Variants in ECSIT observed in about 807,000 individuals in gnomAD.
ECSIT encodes ECSIT signaling integrator, also known as evolutionarily conserved signaling intermediate in Toll pathway, mitochondrial.
Under a neutral mutation model 36.8 loss-of-function variants are expected in ECSIT, and 29 were observed. That is an observed-to-expected ratio of 0.79 (90% CI 0.59 to 1.08). The LOEUF is 1.08. Among genes scored for constraint, ECSIT ranks in the 50% least tolerant of loss-of-function variants. ECSIT has a pLI of 0.00. For missense variants in ECSIT, 542 were observed against 581.0 expected, an observed-to-expected ratio of 0.93 and a Z score of 0.69; for synonymous variants, 231 against 234.8, an observed-to-expected ratio of 0.98 and a Z score of 0.15.
In ECSIT at chr19:11,514,071, C is replaced by A; in HGVS notation, c.247G>T (p.Glu83Ter). The change falls in exon 3 of 8, where the codon GAA (glutamate) becomes TAA (stop). Residue 83 changes from glutamate (E) to a stop codon, truncating the protein, a stop_gained. Transcript: ENST00000270517. LOFTEE classifies it high-confidence loss of function. ...TGCAGGAAGCTCGCCTTGTCCCGTTCCCCACCAGGCGCCTGCCCAAACAGG... is the reference window on the plus strand; with the variant it reads ...TGCAGGAAGCTCGCCTTGTCCCGTTACCCACCAGGCGCCTGCCCAAACAGG... ...EDLFGQAPGG[E>*]RDKASFLQTV... is the part of the protein sequence containing the mutation. The A allele has an allele frequency of 1.2e-6, 2 of 1,614,164 alleles. No individual in the cohort carries two copies. Among genetic ancestry groups the A allele is most frequent in the Non-Finnish European group, 1.7e-6 (2 of 1,179,994 alleles).
intron 2 of ECSIT, among the ~76,000 whole-genome samples, chr19:11,515,394 G>A (rs113554396): frequency 0.015 from 2,240 of 151,988 alleles, 21 homozygotes; most frequent in African/African-American, 0.026. Context: ...GAGCCACCGC[G>A]CCCGGCGTAG....
chr19:11,522,021 C>A (rs1338167332), intron 1 of ECSIT: 1 of 269,308 alleles, frequency 3.7e-6, no homozygotes, highest in South Asian at 3.9e-5. Context: ...GCTGCCTGCT[C>A]ACTCCCAAAT....
chr19:11,520,258 G>A lies in ECSIT; in HGVS notation c.-23-1065C>T, dbSNP rs559730003. Among the ~76,000 whole-genome samples the A allele has an allele frequency of 2.6e-5, 4 of 152,002 alleles. 1 individual carries two copies. The highest frequency in any genetic ancestry group is 4.2e-4 in the South Asian group (2 of 4,818). ...GCCATCTCGGCTCACTGCAACCTTC[G>A]CCTCCCGGATTCAAGCGATTCCCAT... On this transcript the variant is annotated intron_variant, in intron 1 of 7. Coordinates refer to ENST00000270517, the MANE Select transcript of ECSIT (RefSeq NM_016581.5).
chr19:11,521,519 C>T (rs904160984), intron 1 of ECSIT, among the ~76,000 whole-genome samples: 1 of 151,420 alleles, frequency 6.6e-6, no homozygotes, highest in African/African-American at 2.4e-5. Flanking sequence ...GTAATCACAG[C>T]ACTTCGGGAG....
In ECSIT at chr19:11,527,378, C is replaced by T. The variant is rs117258168; in HGVS notation, c.-24+1684G>A. On this transcript the variant is annotated intron_variant, in intron 1 of 7. Transcript: ENST00000270517. ...GATTTCTGCCTAAAATCGCTAACGG[C>T]ATATCACACTTAAAATCAGAGACTG... Among the ~76,000 whole-genome samples the T allele has an allele frequency of 9.0e-4, 137 of 152,188 alleles. 1 individual carries two copies. The highest frequency in any genetic ancestry group is 6.0e-3 in the East Asian group (31 of 5,178).
intron 2 of ECSIT, 138 bp from the exon 3 acceptor site, chr19:11,514,359 G>A: frequency 1.2e-6 from 1 of 805,914 alleles, no homozygotes; most frequent in East Asian, 2.7e-5. Context: ...ACAAACCCAA[G>A]ATTCGAGGCC....
At chr19:11,521,394 C>G (rs1217388936) in intron 1 of ECSIT, among the ~76,000 whole-genome samples, 1 of 151,776 alleles carries the variant, frequency 6.6e-6, no homozygotes, top group African/African-American at 2.4e-5. Flanking sequence ...TTCCCATCGG[C>G]AACGTACAGT....
intron 1 of ECSIT, chr19:11,525,721 G>C (rs1428006062): frequency 7.1e-6 from 1 of 141,546 alleles, no homozygotes; most frequent in Non-Finnish European, 1.5e-5. Context: ...GACCAACATG[G>C]AGAAACCCTG....
Position 11,513,943 on chromosome 19 carries a change from G to T in ECSIT, c.375C>A (p.Asp125Glu). The change falls in exon 3 of 8, where the codon GAC (aspartate) becomes GAA (glutamate). Residue 125 changes from aspartate to glutamate, a missense_variant. By Grantham distance (45) the Asp-to-Glu change is conservative. Coordinates refer to ENST00000270517, the MANE Select transcript of ECSIT (RefSeq NM_016581.5). ...TGAGCAGCTGGTTGTACACAGCCAG[G>T]TCCCGCTCGACACCATACTCCCGCA... ...RKMREYGVERDLAVYNQLLNI... is the reference protein window; with the variant it reads ...RKMREYGVERELAVYNQLLNI... 1 of 1,614,198 alleles carries T rather than the reference G, an allele frequency of 6.2e-7. No homozygotes were observed. The highest frequency in any genetic ancestry group is 2.2e-5 in the East Asian group (1 of 44,880).
At position 11,506,502 on chromosome 19, in the gene ECSIT, G is replaced by A. The variant is rs975969202; in HGVS notation, c.1052-74C>T. On this transcript the variant is annotated intron_variant, in intron 7 of 7. Coordinates refer to ENST00000270517, the MANE Select transcript of ECSIT (RefSeq NM_016581.5). ...GGCTAACCCATGCCTACACCTTTTT[G>A]AGGTATTTTACACTCCCTTCCACTT... 5.7e-6 allele frequency: 7 copies of A among 1,221,166 alleles called. No individual in the cohort carries two copies. The Admixed American group carries it at 9.3e-5, about 16-fold the overall frequency. 75.6% of individuals were successfully genotyped at this position (1,221,166 alleles called of 1,614,324 possible).
At chr19:11,517,882 G>C (rs1321106473) in intron 2 of ECSIT, among the ~76,000 whole-genome samples, 3 of 152,038 alleles carry the variant, frequency 2.0e-5, no homozygotes, top group Admixed American at 2.0e-4. Context: ...TCAGTTTTCT[G>C]CCCCATCTTC....
chr19:11,522,747 A>C (rs991669577), intron 1 of ECSIT, among the ~76,000 whole-genome samples: 5 of 151,412 alleles, frequency 3.3e-5, no homozygotes, highest in African/African-American at 1.2e-4. Flanking sequence ...ATTAAATAAA[A>C]GTTACAACTT....
At chr19:11,514,529 T>G (rs79284073) in intron 2 of ECSIT, among the ~76,000 whole-genome samples, 4 of 145,364 alleles carry the variant, frequency 2.8e-5, no homozygotes, top group Admixed American at 6.8e-5. Flanking sequence ...TTTTTTTTTT[T>G]GGTTTTTTTT....
At chr19:11,525,766 A>G (rs1190882745) in intron 1 of ECSIT, 2 of 151,056 alleles carry the variant, frequency 1.3e-5, no homozygotes, top group African/African-American at 2.4e-5. Flanking sequence ...AAAAAATACA[A>G]AATTAGCCGG....
intron 2 of ECSIT, among the ~76,000 whole-genome samples, chr19:11,515,313 C>T (rs927991719): frequency 6.6e-6 from 1 of 150,926 alleles, no homozygotes; most frequent in African/African-American, 2.4e-5. Flanking sequence ...CTGTGTTAGT[C>T]AGGATGGTCT....
intron 2 of ECSIT, among the ~76,000 whole-genome samples, chr19:11,514,721 C>G (rs547939458): frequency 6.6e-6 from 1 of 152,044 alleles, no homozygotes; most frequent in Non-Finnish European, 1.5e-5. Flanking sequence ...GGGAGTCGCA[C>G]TATTTTGCCC....
rs567723937 is a variant in ECSIT at position 11,519,266 on chromosome 19, C to T, written c.-23-73G>A. 26 of 963,488 alleles carry T rather than the reference C, an allele frequency of 2.7e-5. No homozygotes were observed. The highest frequency in any genetic ancestry group is 2.1e-4 in the South Asian group (15 of 72,254). The allele number at this position is 963,488 out of a possible 1,614,324, so 59.7% of individuals were successfully genotyped here. On this transcript the variant is annotated intron_variant, in intron 1 of 7. Coordinates refer to ENST00000270517, the MANE Select transcript of ECSIT (RefSeq NM_016581.5). The surrounding 1 kb of genome is among the most constrained non-coding windows in gnomAD (Gnocchi z 4.4). ...AACAGACGCAAGGGCCCCGCAGGGT[C>T]GAGGGCACACTCCAGATTATGTGGC...
chr19:11,523,624 C>A, intron 1 of ECSIT: 2 of 874,014 alleles, frequency 2.3e-6, no homozygotes, highest in Non-Finnish European at 1.9e-6. Flanking sequence ...GTATGTCAAG[C>A]TGGTGGAGTC....
At chr19:11,516,914 G>C (rs962300066) in intron 2 of ECSIT, among the ~76,000 whole-genome samples, 2 of 152,092 alleles carry the variant, frequency 1.3e-5, no homozygotes, top group African/African-American at 4.8e-5. Context: ...AGCTACTCAG[G>C]AGGCTGAAGT....
Sources: allele counts gnomAD v4.1 joint callset (sites outside exome capture counted in the v4.1 genomes callset), GRCh38; gene constraint gnomAD v4.1.1; non-coding constraint Gnocchi (gnomAD v3.1); transcripts MANE v1.5; gene names NCBI Gene and HGNC (gene_info 2026-07-23, HGNC 2026-07-21).